The following MAGI2 variants were observed in gnomAD, a reference collection of about 807,000 sequenced individuals.
The protein encoded by MAGI2 is membrane-associated guanylate kinase, WW and PDZ domain-containing protein 2.
MAGI2 carries 35 observed loss-of-function variants against 133.3 expected under a neutral mutation model. That is an observed-to-expected ratio of 0.26 (90% CI 0.20 to 0.35). The LOEUF is 0.35. Among genes scored for constraint, MAGI2 ranks in the 10% least tolerant of loss-of-function variants. The pLI, the probability that MAGI2 is intolerant of heterozygous loss-of-function variation, is 1.00. For synonymous variants in MAGI2, 729 were observed against 710.6 expected, an observed-to-expected ratio of 1.03 and a Z score of -0.41; for missense variants, 1,636 against 1,863.4, an observed-to-expected ratio of 0.88 and a Z score of 2.25.
At position 79,001,166 on chromosome 7, in the gene MAGI2, C is replaced by T. The variant is rs970410966; in HGVS notation, c.418+5924G>A. ...TCTTGACCTTGTGATCCTCCTGCCT[C>T]GGCCTCCCAAAGTGCTGGGATTACA... On this transcript the variant is annotated intron_variant, in intron 2 of 21. Transcript: ENST00000354212. Among the ~76,000 whole-genome samples, 3 of 152,148 alleles carry T rather than the reference C, an allele frequency of 2.0e-5. No individual in the cohort carries two copies. In the East Asian group the frequency reaches 5.8e-4, roughly 29 times the overall value.
At chr7:79,315,360 A>C (rs1463485767) in intron 1 of MAGI2, among the ~76,000 whole-genome samples, 1 of 143,744 alleles carries the variant, frequency 7.0e-6, no homozygotes, top group Non-Finnish European at 1.5e-5. Flanking sequence ...TTTTTAGTAG[A>C]GACGGGGTTT....
Position 78,042,892 on chromosome 7 carries a change from G to T in MAGI2, c.3707-22916C>A, listed in dbSNP as rs12705199. ...GACTGATACAATTGCCAGACCCCAC[G>T]ACTCAGGGCTTCATCAGTACATCAA... On this transcript the variant is annotated intron_variant, in intron 21 of 21. Transcript: ENST00000354212. Among the ~76,000 whole-genome samples, 4 of 151,974 alleles carry T rather than the reference G, an allele frequency of 2.6e-5. No homozygotes were observed. The South Asian group carries it at 8.3e-4, about 32-fold the overall frequency.
At chr7:79,338,480 G>A (rs1237393004) in intron 1 of MAGI2, among the ~76,000 whole-genome samples, 1 of 152,044 alleles carries the variant, frequency 6.6e-6, no homozygotes, top group Non-Finnish European at 1.5e-5. Flanking sequence ...GTGTATTTCC[G>A]ACCAGCAAGC....
chr7:78,136,772 T>C (rs1168594116), intron 16 of MAGI2, among the ~76,000 whole-genome samples: 3 of 152,220 alleles, frequency 2.0e-5, no homozygotes, highest in African/African-American at 7.2e-5. Context: ...GTCCTTGAAC[T>C]CTCAATCTTG....
intron 1 of MAGI2, among the ~76,000 whole-genome samples, chr7:79,022,982 T>C (rs188980858): frequency 1.3e-3 from 205 of 152,246 alleles, no homozygotes; most frequent in African/African-American, 4.6e-3. Flanking sequence ...CCCTAACTCA[T>C]TCTATGAAGG....
chr7:78,921,071 T>C (rs893954152), intron 2 of MAGI2, among the ~76,000 whole-genome samples: 1 of 152,108 alleles, frequency 6.6e-6, no homozygotes, highest in Non-Finnish European at 1.5e-5. Context: ...TTCCTGAAGA[T>C]GTTTAGGTTA....
rs1438941543 is a variant in MAGI2 at position 78,249,315 on chromosome 7, A to C, written c.2047+6628T>G. ...AGAAAACAGTATGGAAGTTCCTCAA[A>C]ATATTAAAAATAGAACTACTACATG... is the stretch of plus-strand genomic sequence containing the variant. On this transcript the variant is annotated intron_variant, in intron 10 of 21. Coordinates refer to ENST00000354212, the MANE Select transcript of MAGI2 (RefSeq NM_012301.4). Among the ~76,000 whole-genome samples, 4 of 152,162 alleles carry C rather than the reference A, an allele frequency of 2.6e-5. No individual in the cohort carries two copies. The South Asian group carries it at 6.2e-4, about 24-fold the overall frequency.
At chr7:78,359,583 G>A (rs1792558765) in intron 7 of MAGI2, 1 of 151,924 alleles carries the variant, frequency 6.6e-6, no homozygotes, top group Admixed American at 6.6e-5. Context: ...CCTACAGCTT[G>A]GTAAAAAGAA....
intron 2 of MAGI2, among the ~76,000 whole-genome samples, chr7:78,920,431 A>G (rs1799137515): frequency 6.6e-6 from 1 of 152,132 alleles, no homozygotes; most frequent in Non-Finnish European, 1.5e-5. Context: ...AGTTAATTTC[A>G]CAAAAGCTTT....
At chr7:78,995,034 G>T (rs1806150064) in intron 2 of MAGI2, among the ~76,000 whole-genome samples, 1 of 152,058 alleles carries the variant, frequency 6.6e-6, no homozygotes, top group Non-Finnish European at 1.5e-5. Context: ...AAATGTTTGT[G>T]CAAGAAGAAT....
intron 9 of MAGI2, among the ~76,000 whole-genome samples, chr7:78,287,486 C>G (rs139227314): frequency 1.3e-5 from 2 of 152,260 alleles, no homozygotes; most frequent in African/African-American, 4.8e-5. Flanking sequence ...GTGGAACAGA[C>G]AATCTCTGTG....
At chr7:78,562,866 A>C (rs139575961) in intron 3 of MAGI2, among the ~76,000 whole-genome samples, 1 of 152,170 alleles carries the variant, frequency 6.6e-6, no homozygotes, top group African/African-American at 2.4e-5. Flanking sequence ...GTCTTCTGCT[A>C]CTGAATTTTT....
At chr7:78,676,176 C>G (rs1334107728) in intron 2 of MAGI2, among the ~76,000 whole-genome samples, 2 of 152,022 alleles carry the variant, frequency 1.3e-5, no homozygotes, top group Non-Finnish European at 2.9e-5. Flanking sequence ...AATTTCTCTT[C>G]TAAATGATTC....
At chr7:78,122,965 C>T (rs3779300) in intron 20 of MAGI2, among the ~76,000 whole-genome samples, 104,841 of 152,016 alleles carry the variant, frequency 0.69, 36,379 homozygotes, top group African/African-American at 0.74. Flanking sequence ...TTTATTAGGC[C>T]ATTTTACAAA....
chr7:79,303,366 A>C (rs1460240134), intron 1 of MAGI2, among the ~76,000 whole-genome samples: 4 of 152,196 alleles, frequency 2.6e-5, no homozygotes, highest in Non-Finnish European at 5.9e-5. Context: ...TTAAATTATT[A>C]TTTTTAAACA....
intron 20 of MAGI2, among the ~76,000 whole-genome samples, chr7:78,106,474 A>G (rs1482666896): frequency 1.3e-5 from 2 of 152,126 alleles, no homozygotes; most frequent in Non-Finnish European, 2.9e-5. Flanking sequence ...ATTCCCACCA[A>G]CAGTGTACAA....
chr7:79,306,522 A>G (rs1190521983), intron 1 of MAGI2, among the ~76,000 whole-genome samples: 1 of 151,842 alleles, frequency 6.6e-6, no homozygotes, highest in Non-Finnish European at 1.5e-5. Context: ...TCTTTCTGTA[A>G]TATTTGCATA....
chr7:78,982,555 A>G (rs1480770743), intron 2 of MAGI2, among the ~76,000 whole-genome samples: 1 of 151,914 alleles, frequency 6.6e-6, no homozygotes, highest in East Asian at 1.9e-4. Flanking sequence ...CCTTGATAAG[A>G]GAAATAAATA....
chr7:79,103,525 G>A (rs1401877316), intron 1 of MAGI2, among the ~76,000 whole-genome samples: 1 of 151,994 alleles, frequency 6.6e-6, no homozygotes, highest in African/African-American at 2.4e-5. Context: ...TGAAAAAGGG[G>A]TCATAAGGTG....
Sources: gnomAD v4.1 joint callset for allele counts (sites outside exome capture counted in the v4.1 genomes callset) on GRCh38, gnomAD v4.1.1 for gene constraint, MANE v1.5 for transcripts, NCBI Gene and HGNC (gene_info 2026-07-23, HGNC 2026-07-21) for gene names.